FNDC3B: variants seen among roughly 807,000 people sequenced by gnomAD.
FNDC3B encodes the protein fibronectin type III domain containing 3B, also known as fibronectin type III domain-containing protein 3B.
In FNDC3B, 12 loss-of-function variants were observed where a neutral mutation model predicts 151.5. The ratio of observed to expected loss-of-function variants is 0.08; its 90% CI spans 0.05 to 0.13. FNDC3B has a LOEUF of 0.13. Ranked by LOEUF, FNDC3B falls within the 10% of genes least tolerant of loss-of-function variation. The pLI is 1.00. For missense variants in FNDC3B, 1,214 were observed against 1,505.3 expected, an observed-to-expected ratio of 0.81 and a Z score of 3.20; for synonymous variants, 528 against 549.0, an observed-to-expected ratio of 0.96 and a Z score of 0.54.
At chr3:172,159,101 A>G (rs1423751468) in intron 3 of FNDC3B, among the ~76,000 whole-genome samples, 11 of 152,186 alleles carry the variant, frequency 7.2e-5, no homozygotes. Flanking sequence ...CAACATGGTG[A>G]AACCCCCTCT....
chr3:172,204,713 A>G (rs1309930046), intron 3 of FNDC3B, among the ~76,000 whole-genome samples: 4 of 152,348 alleles, frequency 2.6e-5, no homozygotes, highest in East Asian at 1.9e-4. Context: ...GTCACTTTCT[A>G]TAAGTTGACA....
At position 172,285,514 on chromosome 3, in the gene FNDC3B, G is replaced by A. The variant is rs73031328; in HGVS notation, c.791-412G>A. ...AAGTAAATAAACAAGTAAAAATACA[G>A]CTCAAAGATTTGAGCTCACAGCCCT... On this transcript the variant is annotated intron_variant, in intron 6 of 25. Transcript: ENST00000415807. 7.7e-3 allele frequency among the ~76,000 whole-genome samples: 1,167 copies of A among 152,224 alleles called. 22 individuals carry two copies. The highest frequency in any genetic ancestry group is 0.027 in the African/African-American group (1,128 of 41,526).
chr3:172,298,871 T>TTA (rs1730766036), intron 9 of FNDC3B, 84 bp downstream of exon 9: 3 of 936,544 alleles, frequency 3.2e-6, no homozygotes, highest in Non-Finnish European at 4.9e-6. Context: ...AAGTTTTTGG[T>TTA]GAATGTTGCT....
chr3:172,242,472 T>C (rs1180185827), intron 4 of FNDC3B, among the ~76,000 whole-genome samples: 2 of 152,266 alleles, frequency 1.3e-5, no homozygotes, highest in Admixed American at 1.3e-4. Flanking sequence ...TTCCCAAACC[T>C]CAATTCTTGA....
At chr3:172,119,597 C>G in intron 2 of FNDC3B, among the ~76,000 whole-genome samples, 1 of 152,130 alleles carries the variant, frequency 6.6e-6, no homozygotes, top group East Asian at 1.9e-4. Flanking sequence ...ACTATCCAGA[C>G]TTTGTACATC....
At chr3:172,055,380 C>T (rs765092517) in intron 1 of FNDC3B, among the ~76,000 whole-genome samples, 3 of 152,088 alleles carry the variant, frequency 2.0e-5, no homozygotes, top group South Asian at 2.1e-4. Flanking sequence ...TATTGACACC[C>T]GTGGCAATCT....
intron 1 of FNDC3B, among the ~76,000 whole-genome samples, chr3:172,086,688 T>C (rs1253111057): frequency 6.6e-6 from 1 of 151,800 alleles, no homozygotes; most frequent in Non-Finnish European, 1.5e-5. Context: ...TTGAAAAGAA[T>C]TAAGTTGTTA....
chr3:172,365,843 A>G lies in FNDC3B; in HGVS notation c.3008+2998A>G, dbSNP rs566496077. On this transcript the variant is annotated intron_variant, in intron 23 of 25. Coordinates refer to ENST00000415807, the MANE Select transcript of FNDC3B (RefSeq NM_022763.4). ...TAACAGAAGAAAAATGAAAATTAGT[A>G]TATCTGCGCTTCATAATTATCATAT... Among the ~76,000 whole-genome samples, 8 of 152,346 alleles carry G rather than the reference A, an allele frequency of 5.3e-5. No homozygotes were observed. The South Asian group carries it at 1.7e-3, about 32-fold the overall frequency.
intron 19 of FNDC3B, among the ~76,000 whole-genome samples, chr3:172,345,532 C>A (rs1733563605): frequency 6.6e-6 from 1 of 152,136 alleles, no homozygotes; most frequent in Non-Finnish European, 1.5e-5. Flanking sequence ...CAGAGAGCTT[C>A]CCCAACTCCC....
intron 3 of FNDC3B, among the ~76,000 whole-genome samples, chr3:172,142,564 T>C (rs977940002): frequency 4.6e-5 from 7 of 152,256 alleles, no homozygotes; most frequent in South Asian, 2.1e-4. Flanking sequence ...TGCTTTATTC[T>C]TTCTGTATTT....
At chr3:172,244,706 C>T (rs1032090512) in intron 4 of FNDC3B, among the ~76,000 whole-genome samples, 4 of 145,182 alleles carry the variant, frequency 2.8e-5, no homozygotes, top group Non-Finnish European at 4.5e-5. Flanking sequence ...CTCACTGCAG[C>T]CTCCACCTCC....
At chr3:172,184,083 A>C (rs139374457) in intron 3 of FNDC3B, among the ~76,000 whole-genome samples, 38 of 152,338 alleles carry the variant, frequency 2.5e-4, no homozygotes, top group Non-Finnish European at 4.9e-4. Context: ...TATAAAGTAA[A>C]TACAAGTAAA....
At chr3:172,144,064 T>C (rs1721780716) in intron 3 of FNDC3B, among the ~76,000 whole-genome samples, 1 of 152,108 alleles carries the variant, frequency 6.6e-6, no homozygotes. Flanking sequence ...TTCTGCAGGA[T>C]ATATAGGAAG....
chr3:172,314,291 G>C (rs906815456), intron 11 of FNDC3B, among the ~76,000 whole-genome samples: 3 of 152,082 alleles, frequency 2.0e-5, no homozygotes, highest in African/African-American at 7.2e-5. Context: ...CTGCCATCCA[G>C]GGGGCTGAAG....
chr3:172,330,855 A>G (rs1576918238), intron 13 of FNDC3B, 140 bp downstream of exon 13: 2 of 628,224 alleles, frequency 3.2e-6, no homozygotes, highest in East Asian at 5.8e-5. Context: ...ACCACTACCA[A>G]CACCGGCCTG....
At chr3:172,169,297 G>A (rs1273975741) in intron 3 of FNDC3B, among the ~76,000 whole-genome samples, 1 of 152,208 alleles carries the variant, frequency 6.6e-6, no homozygotes, top group Non-Finnish European at 1.5e-5. Context: ...TTGCCTGAGC[G>A]GCGCTCCGGA....
At chr3:172,248,291 C>T (rs984318691) in intron 5 of FNDC3B, among the ~76,000 whole-genome samples, 3 of 152,196 alleles carry the variant, frequency 2.0e-5, no homozygotes, top group Non-Finnish European at 4.4e-5. Flanking sequence ...CAAAAATCCC[C>T]TGGCTGTTGA....
intron 11 of FNDC3B, among the ~76,000 whole-genome samples, chr3:172,315,887 C>T (rs1731756331): frequency 1.3e-5 from 2 of 152,132 alleles, no homozygotes; most frequent in East Asian, 3.9e-4. Context: ...GCTTGAGACA[C>T]TATACCCGTT....
chr3:172,307,284 C>T, intron 9 of FNDC3B, 79 bp from the exon 10 acceptor site: 1 of 1,447,134 alleles, frequency 6.9e-7, no homozygotes, highest in South Asian at 1.2e-5. Context: ...CTACAGAAAG[C>T]CTTAGGGTGA....
Sources: gnomAD v4.1 joint callset for allele counts (sites outside exome capture counted in the v4.1 genomes callset) on GRCh38, gnomAD v4.1.1 for gene constraint, MANE v1.5 for transcripts, NCBI Gene and HGNC (gene_info 2026-07-23, HGNC 2026-07-21) for gene names.